GRID1: variants seen among roughly 807,000 people sequenced by gnomAD.
GRID1 encodes glutamate ionotropic receptor delta type subunit 1, also known as glutamate receptor ionotropic, delta-1.
A neutral mutation model predicts 98.0 loss-of-function variants in GRID1; 28 were observed. The observed-to-expected ratio is 0.29, with a 90% CI of 0.21 to 0.39. The LOEUF (loss-of-function observed/expected upper bound fraction) is 0.39, where lower values mean the gene tolerates loss of function less well. GRID1 is among the 10% of genes least tolerant of loss of function. The pLI is 1.00. For missense variants in GRID1, 1,111 were observed against 1,340.5 expected (o/e 0.83, Z 2.67); for synonymous variants, 553 against 538.5 (o/e 1.03, Z -0.37).
In GRID1 at chr10:85,647,352, A is replaced by G. The variant is rs1843209226; in HGVS notation, c.2043T>C (p.Thr681=). ...LSKQVEMSYG[T]VRDSAVYEYF... is the part of the protein sequence containing the mutation. ...ACTCATATACAGCAGAATCCCGGACAGTGCCATAAGACATTTCCACTTGTT... is the reference window on the plus strand; with the variant it reads ...ACTCATATACAGCAGAATCCCGGACGGTGCCATAAGACATTTCCACTTGTT... Residue 681 remains threonine (T), a synonymous_variant, in exon 13 of 16, where the codon ACT becomes ACC. Coordinates refer to ENST00000327946, the MANE Select transcript of GRID1 (RefSeq NM_017551.3). The G allele has an allele frequency of 6.2e-7, 1 of 1,614,246 alleles. No homozygotes were observed. Among genetic ancestry groups the G allele is most frequent in the South Asian group, 1.1e-5 (1 of 91,092 alleles).
chr10:86,294,791 T>A (rs1847563624), intron 2 of GRID1, among the ~76,000 whole-genome samples: 1 of 152,076 alleles, frequency 6.6e-6, no homozygotes, highest in African/African-American at 2.4e-5. Flanking sequence ...CGGTCAGAAG[T>A]CATCAAGAAA....
At chr10:85,803,181 A>G (rs1842593107) in intron 8 of GRID1, among the ~76,000 whole-genome samples, 1 of 152,088 alleles carries the variant, frequency 6.6e-6, no homozygotes, top group Non-Finnish European at 1.5e-5. Flanking sequence ...AAACAGTGTG[A>G]CTATAGACAA....
intron 2 of GRID1, among the ~76,000 whole-genome samples, chr10:86,335,687 C>T (rs1166170274): frequency 2.0e-5 from 3 of 152,226 alleles, no homozygotes; most frequent in Non-Finnish European, 4.4e-5. Context: ...ATATCCCCTG[C>T]ATCCAGCATG....
At chr10:86,189,513 G>GCA (rs149756654) in intron 3 of GRID1, among the ~76,000 whole-genome samples, 4 of 148,848 alleles carry the variant, frequency 2.7e-5, no homozygotes, top group African/African-American at 7.6e-5. Flanking sequence ...ACACACACAC[G>GCA]CACACACACA....
At chr10:85,746,138 T>C (rs1841994471) in intron 8 of GRID1, among the ~76,000 whole-genome samples, 1 of 152,198 alleles carries the variant, frequency 6.6e-6, no homozygotes, top group African/African-American at 2.4e-5. Context: ...TGGATTTAGG[T>C]ATTCAGGTTG....
chr10:86,019,056 C>T lies in GRID1; in HGVS notation c.727-102817G>A, dbSNP rs371054849. 3.9e-5 allele frequency among the ~76,000 whole-genome samples: 6 copies of T among 152,300 alleles called. No homozygotes were observed. In the South Asian group the frequency reaches 6.2e-4, roughly 16 times the overall value. The stretch of plus-strand genomic sequence containing the variant: ...TGTGCTTACAACCCAGGACCCAGTG[C>T]CTCTTATAGGACAAGATGGTGCCTT... On this transcript the variant is annotated intron_variant, in intron 4 of 15. Transcript: ENST00000327946.
chr10:86,117,753 A>G (rs1271667127), intron 4 of GRID1, among the ~76,000 whole-genome samples: 1 of 152,288 alleles, frequency 6.6e-6, no homozygotes, highest in Non-Finnish European at 1.5e-5. Flanking sequence ...AATCAAAAGC[A>G]CAATGTGATA....
At chr10:86,305,481 C>T (rs1847747049) in intron 2 of GRID1, among the ~76,000 whole-genome samples, 1 of 152,236 alleles carries the variant, frequency 6.6e-6, no homozygotes, top group East Asian at 1.9e-4. Flanking sequence ...CCATGTGATT[C>T]TCAGACCTCA....
At position 86,206,516 on chromosome 10, in the gene GRID1, G is replaced by A. The variant is rs762175531; in HGVS notation, c.368C>T (p.Ser123Leu). The A allele has an allele frequency of 5.0e-6, 8 of 1,614,214 alleles. No homozygotes were observed. The highest frequency in any genetic ancestry group is 2.2e-5 in the East Asian group (1 of 44,884). Residue 123 changes from serine to leucine, a missense_variant, in exon 3 of 16, where the codon TCG (serine) becomes TTG (leucine). Physicochemically the swap from Ser to Leu is moderately radical, Grantham distance 145 (BLOSUM62 -2). Transcript: ENST00000327946. The surrounding 1 kb of genome is among the most constrained non-coding windows in gnomAD (Gnocchi z 4.1). ...HLFVQRNPGG[S>L]PRTACHLNPS... The stretch of plus-strand genomic sequence containing the variant: ...GTTCAGGTGGCATGCGGTGCGTGGC[G>A]ACCCTCCCGGGTTGCGCTGGACAAA...
intron 8 of GRID1, among the ~76,000 whole-genome samples, chr10:85,830,510 A>C (rs993846487): frequency 6.6e-6 from 1 of 150,700 alleles, no homozygotes; most frequent in Admixed American, 6.7e-5. Context: ...CTATCAACAG[A>C]GTAAACAGAC....
intron 4 of GRID1, among the ~76,000 whole-genome samples, chr10:86,066,884 G>A (rs1395002987): frequency 1.3e-5 from 2 of 152,146 alleles, no homozygotes; most frequent in African/African-American, 2.4e-5. Context: ...CTTGGTAGGG[G>A]CCGCGCCGGC....
intron 4 of GRID1, among the ~76,000 whole-genome samples, chr10:86,103,811 CGAGA>C (rs112383273): frequency 6.6e-6 from 1 of 151,842 alleles, no homozygotes; most frequent in Non-Finnish European, 1.5e-5. Context: ...AACCATGTCA[CGAGA>C]GAGAGAGAGA....
chr10:85,636,877 C>T (rs186136328), intron 13 of GRID1, among the ~76,000 whole-genome samples: 13 of 152,228 alleles, frequency 8.5e-5, no homozygotes, highest in South Asian at 2.1e-4. Context: ...CACCATAATT[C>T]TACTTTTGAG....
In GRID1 at chr10:86,365,280, C is replaced by T. The variant is rs1204477841; in HGVS notation, c.79+1034G>A. Among the ~76,000 whole-genome samples the T allele has an allele frequency of 2.0e-5, 3 of 150,914 alleles. No individual in the cohort carries two copies. Among genetic ancestry groups the T allele is most frequent in the African/African-American group, 7.3e-5 (3 of 41,140 alleles). On this transcript the variant is annotated intron_variant, in intron 1 of 15. Transcript: ENST00000327946. This position sits in a 1 kb window ranked among gnomAD's most constrained non-coding sequence, Gnocchi z 4.8. ...CGCCTTGTCCCGTCCTCCTCGCCTT[C>T]AACACCTCCCAACCCCCAGTTTCCC...
rs766337539 is a variant in GRID1, at chr10:85,647,185, C to T, written c.2193+17G>A. 42 of 1,610,284 alleles carry T rather than the reference C, an allele frequency of 2.6e-5. No homozygotes were observed. In the East Asian group the frequency reaches 3.1e-4, roughly 12 times the overall value. On this transcript the variant is annotated intron_variant, in intron 13 of 15. Coordinates refer to ENST00000327946, the MANE Select transcript of GRID1 (RefSeq NM_017551.3). ...CCCTGTTACAGTGCACGTGCCCAAG[C>T]GCCAGCTCCTGCCTACCTTCCTGAT...
At chr10:86,348,269 C>G (rs1414414834) in intron 2 of GRID1, among the ~76,000 whole-genome samples, 1 of 152,178 alleles carries the variant, frequency 6.6e-6, no homozygotes, top group African/African-American at 2.4e-5. Context: ...TGCTGGTGCT[C>G]ACAGACTTCA....
chr10:86,222,341 G>A (rs767221501), intron 2 of GRID1, among the ~76,000 whole-genome samples: 3 of 152,184 alleles, frequency 2.0e-5, no homozygotes, highest in Non-Finnish European at 4.4e-5. Flanking sequence ...GGGGGAGGGC[G>A]TGGTCAGTCC....
At chr10:85,892,422 G>GA (rs748712022) in intron 5 of GRID1, among the ~76,000 whole-genome samples, 5 of 151,408 alleles carry the variant, frequency 3.3e-5, no homozygotes, top group Non-Finnish European at 7.4e-5. Context: ...GAGAGGCAAA[G>GA]AAAAAATCCT....
chr10:86,192,400 T>C lies in GRID1; in HGVS notation c.520+13964A>G, dbSNP rs977438744. 6.6e-6 allele frequency among the ~76,000 whole-genome samples: 1 copy of C among 152,026 alleles called. No homozygotes were observed. The highest frequency in any genetic ancestry group is 6.5e-5 in the Admixed American group (1 of 15,274). Reference sequence around the variant, plus strand: ...ATGCATGCCACAGTGTGGAGGAAAGTAGAAAGCACTATGCTAAGTGAAATA... The same window carrying C: ...ATGCATGCCACAGTGTGGAGGAAAGCAGAAAGCACTATGCTAAGTGAAATA... On this transcript the variant is annotated intron_variant, in intron 3 of 15. Coordinates refer to ENST00000327946, the MANE Select transcript of GRID1 (RefSeq NM_017551.3). This position sits in a 1 kb window ranked among gnomAD's most constrained non-coding sequence, Gnocchi z 4.8.
Sources: gnomAD v4.1 joint callset for allele counts (sites outside exome capture counted in the v4.1 genomes callset) on GRCh38, gnomAD v4.1.1 for gene constraint, Gnocchi (gnomAD v3.1) non-coding constraint, MANE v1.5 for transcripts, NCBI Gene and HGNC (gene_info 2026-07-23, HGNC 2026-07-21) for gene names.